The following ABLIM3 variants were observed in gnomAD, a reference collection of about 807,000 sequenced individuals.
The protein encoded by ABLIM3 is actin binding LIM protein family member 3.
Under a neutral mutation model 109.5 loss-of-function variants are expected in ABLIM3, and 61 were observed. The ratio of observed to expected loss-of-function variants is 0.56; its 90% CI spans 0.45 to 0.69. The LOEUF is 0.69. Ranked by LOEUF, ABLIM3 falls within the 30% of genes least tolerant of loss-of-function variation. The pLI is 0.00. For missense variants in ABLIM3, 796 were observed against 889.5 expected, an observed-to-expected ratio of 0.89 and a Z score of 1.34; for synonymous variants, 300 against 324.8, an observed-to-expected ratio of 0.92 and a Z score of 0.82.
At chr5:149,228,680 A>G (rs1465236553) in intron 8 of ABLIM3, among the ~76,000 whole-genome samples, 1 of 152,112 alleles carries the variant, frequency 6.6e-6, no homozygotes, top group African/African-American at 2.4e-5. Flanking sequence ...CTAGCTACCA[A>G]CTAACTTTTT....
chr5:149,258,190 C>A, intron 23 of ABLIM3, 101 bp from the exon 24 acceptor site: 2 of 982,186 alleles, frequency 2.0e-6, no homozygotes, highest in Non-Finnish European at 3.1e-6. Flanking sequence ...CCAGAGGGAA[C>A]ATGCAGCACC....
chr5:149,207,200 G>T, intron 6 of ABLIM3, 66 bp downstream of exon 6: 1 of 1,565,782 alleles, frequency 6.4e-7, no homozygotes, highest in African/African-American at 1.4e-5. Context: ...GCCCCATTGA[G>T]CCCATGCCTA....
At chr5:149,208,253 G>T (rs537939870) in intron 6 of ABLIM3, among the ~76,000 whole-genome samples, 1 of 152,120 alleles carries the variant, frequency 6.6e-6, no homozygotes, top group Non-Finnish European at 1.5e-5. Context: ...GAAATGGGAA[G>T]GCCAGAGGCA....
intron 2 of ABLIM3, among the ~76,000 whole-genome samples, chr5:149,166,187 G>T (rs1236158715): frequency 6.6e-6 from 1 of 152,198 alleles, no homozygotes; most frequent in East Asian, 1.9e-4. Flanking sequence ...AGTTGGAACT[G>T]AGTAGGGGCT....
At chr5:149,172,737 G>C (rs1359977472) in intron 2 of ABLIM3, among the ~76,000 whole-genome samples, 1 of 152,182 alleles carries the variant, frequency 6.6e-6, no homozygotes. Context: ...AGGTGGCCCA[G>C]ATTCTCCAGA....
At position 149,183,440 on chromosome 5, in the gene ABLIM3, T is replaced by C; in HGVS notation, c.14-12T>C. 6.6e-7 allele frequency: 1 copy of C among 1,515,694 alleles called. No individual in the cohort carries two copies. The highest frequency in any genetic ancestry group is 8.8e-7 in the Non-Finnish European group (1 of 1,130,936). The allele number at this position is 1,515,694 out of a possible 1,614,324, so 93.9% of individuals were successfully genotyped here. A position where few individuals can be genotyped will look rare whatever the true frequency, so the allele number is the denominator to read the frequency against. ...GGGCCTCTGGATAGTGATCTCTTTG[T>C]TTCTTTTACAGTTCCTTATCAGCAG... On this transcript the variant is annotated splice_polypyrimidine_tract_variant and intron_variant, in intron 2 of 23. Transcript: ENST00000309868.
chr5:149,187,759 C>T (rs552828995), intron 3 of ABLIM3, among the ~76,000 whole-genome samples: 1 of 152,190 alleles, frequency 6.6e-6, no homozygotes, highest in Non-Finnish European at 1.5e-5. Flanking sequence ...ACATGCTCCA[C>T]CCTAACTCAT....
At chr5:149,244,048 T>C (rs1167831215) in intron 15 of ABLIM3, 2 of 152,302 alleles carry the variant, frequency 1.3e-5, no homozygotes, top group African/African-American at 4.8e-5. Context: ...TCCCTAAAGC[T>C]TCCTGTAGCT....
intron 23 of ABLIM3, among the ~76,000 whole-genome samples, chr5:149,255,027 A>C (rs1338496789): frequency 6.6e-6 from 1 of 152,250 alleles, no homozygotes; most frequent in Admixed American, 6.5e-5. Context: ...CCCTGTCCTC[A>C]AGGAGCTCAG....
rs1754740170 is a variant in ABLIM3, at chr5:149,259,635, C to G, written c.*1231C>G. 6.6e-7 allele frequency: 1 copy of G among 1,506,206 alleles called. No individual in the cohort carries two copies. The allele number at this position is 1,506,206 out of a possible 1,614,324, so 93.3% of individuals were successfully genotyped here. A position where few individuals can be genotyped will look rare whatever the true frequency, so the allele number is the denominator to read the frequency against. On this transcript the variant is annotated 3_prime_UTR_variant, in exon 24 of 24. Coordinates refer to ENST00000309868, the MANE Select transcript of ABLIM3 (RefSeq NM_014945.5). ...TGGCCATCCTGGATTTTCCCAGTGG[C>G]TTCCCTTCCTGCTCGCCTCCCTGAA... is the stretch of plus-strand genomic sequence containing the variant.
intron 7 of ABLIM3, among the ~76,000 whole-genome samples, chr5:149,213,914 T>C (rs1166823233): frequency 6.6e-6 from 1 of 152,118 alleles, no homozygotes; most frequent in Non-Finnish European, 1.5e-5. Flanking sequence ...ATGCAGTGTT[T>C]TTCCAAGGTC....
At chr5:149,182,959 A>C (rs76354391) in intron 2 of ABLIM3, among the ~76,000 whole-genome samples, 5,755 of 151,756 alleles carry the variant, frequency 0.038, 333 homozygotes, top group African/African-American at 0.13. Flanking sequence ...GACCACCCTC[A>C]TTTGATAGAC....
At chr5:149,257,476 T>G (rs1010984431) in intron 23 of ABLIM3, among the ~76,000 whole-genome samples, 1 of 152,204 alleles carries the variant, frequency 6.6e-6, no homozygotes. Flanking sequence ...ATATTTCTCT[T>G]TGTAAACTTA....
chr5:149,213,724 C>T (rs955608661), intron 7 of ABLIM3, among the ~76,000 whole-genome samples: 7 of 152,090 alleles, frequency 4.6e-5, no homozygotes, highest in African/African-American at 1.7e-4. Flanking sequence ...TTTAGCATTG[C>T]GGTAGACTGT....
intron 14 of ABLIM3, among the ~76,000 whole-genome samples, chr5:149,241,446 AG>A (rs1752831605): frequency 6.6e-6 from 1 of 152,168 alleles, no homozygotes; most frequent in Admixed American, 6.5e-5. Flanking sequence ...AGCTTCTTGG[AG>A]GAGGTAACAT....
At chr5:149,233,457 G>T (rs1024105683) in intron 10 of ABLIM3, among the ~76,000 whole-genome samples, 157 bp downstream of exon 10, 2 of 152,178 alleles carry the variant, frequency 1.3e-5, no homozygotes, top group Non-Finnish European at 2.9e-5. Context: ...TGAGGATCCA[G>T]TGGGGTACAG....
chr5:149,233,254 T>A lies in ABLIM3; in HGVS notation c.842T>A (p.Ile281Asn). ...LKHRRTSETS[I>N]SPPGSSIGSP... ...CATAGACGGACATCTGAAACCTCCA[T>A]CTCACCCCCTGGATCCAGCATTGGG... Residue 281 changes from isoleucine to asparagine, a missense_variant, in exon 10 of 24, where the codon ATC (isoleucine) becomes AAC (asparagine). Ile to Asn is a moderately radical substitution (Grantham distance 149). Coordinates refer to ENST00000309868, the MANE Select transcript of ABLIM3 (RefSeq NM_014945.5). The A allele has an allele frequency of 6.2e-7, 1 of 1,614,176 alleles. No individual in the cohort carries two copies. Among genetic ancestry groups the A allele is most frequent in the Non-Finnish European group, 8.5e-7 (1 of 1,180,014 alleles).
chr5:149,214,453 A>T (rs921578746), intron 7 of ABLIM3, among the ~76,000 whole-genome samples: 3 of 152,090 alleles, frequency 2.0e-5, no homozygotes, highest in Non-Finnish European at 4.4e-5. Context: ...TCTGGGACTG[A>T]CTCTCATTGG....
intron 5 of ABLIM3, 54 bp from the exon 6 acceptor site, chr5:149,206,954 C>T (rs932759614): frequency 3.0e-5 from 47 of 1,578,696 alleles, no homozygotes; most frequent in Admixed American, 3.5e-5. Flanking sequence ...CCTGAGATAG[C>T]GGGGGTTAAA....
Sources: allele counts gnomAD v4.1 joint callset (sites outside exome capture counted in the v4.1 genomes callset), GRCh38; gene constraint gnomAD v4.1.1; transcripts MANE v1.5; gene names NCBI Gene and HGNC (gene_info 2026-07-23, HGNC 2026-07-21).